Variants in SEPTIN10 observed in about 807,000 individuals in gnomAD.
SEPTIN10 encodes septin 10.
Under a neutral mutation model 54.8 loss-of-function variants are expected in SEPTIN10, and 66 were observed. The observed-to-expected ratio is 1.21, with a 90% CI of 0.99 to 1.48. The LOEUF (loss-of-function observed/expected upper bound fraction) is 1.48. Among genes scored for constraint, SEPTIN10 ranks in the 40% most tolerant of loss-of-function variants. The probability of loss-of-function intolerance (pLI) is 0.00; values close to 1 mark genes in which losing one functional copy is unlikely to be tolerated. For missense variants in SEPTIN10, 620 were observed against 545.6 expected (o/e 1.14, Z -1.36); for synonymous variants, 161 against 181.0 (o/e 0.89, Z 0.89).
chr2:109,576,900 G>A (rs1412586606), intron 4 of SEPTIN10, among the ~76,000 whole-genome samples: 4 of 152,092 alleles, frequency 2.6e-5, no homozygotes, highest in Non-Finnish European at 5.9e-5. Flanking sequence ...AAACAGAAAA[G>A]AGGGCAGAAG....
chr2:109,581,877 G>A (rs1381194557), intron 4 of SEPTIN10, among the ~76,000 whole-genome samples: 1 of 152,138 alleles, frequency 6.6e-6, no homozygotes, highest in Non-Finnish European at 1.5e-5. Flanking sequence ...AAAAGAAAAA[G>A]TCAAATTATC....
intron 1 of SEPTIN10, chr2:109,594,606 C>A (rs1293607573): frequency 6.6e-6 from 1 of 152,228 alleles, no homozygotes; most frequent in East Asian, 1.9e-4. Flanking sequence ...TGAGACTGTC[C>A]TCTCCTCTGC....
rs1342863949 is a variant in SEPTIN10, at chr2:109,574,610, G to A, written c.571C>T (p.Leu191Phe). ...CTGTCAAGGTTCTTCATGGTTAAGA[G>A]ATCAAGTGTCTTCAGAGAGTGGCCT... ...PTGHSLKTLD[L>F]LTMKNLDSKV... Residue 191 changes from leucine (L) to phenylalanine (F), a missense_variant, in exon 5 of 11, where the codon CTC becomes TTC. Physicochemically the swap from Leu to Phe is conservative, Grantham distance 22 (BLOSUM62 0). Transcript: ENST00000397712. The A allele has an allele frequency of 6.3e-7, 1 of 1,597,102 alleles. No individual in the cohort carries two copies. Among genetic ancestry groups the A allele is most frequent in the East Asian group, 2.3e-5 (1 of 44,316 alleles).
chr2:109,590,424 CT>C (rs200844981), intron 2 of SEPTIN10, among the ~76,000 whole-genome samples: 31,050 of 146,488 alleles, frequency 0.21, 3,758 homozygotes, highest in South Asian at 0.28. Flanking sequence ...GAGGTAAATC[CT>C]TTTTTTTTTT....
intron 9 of SEPTIN10, among the ~76,000 whole-genome samples, chr2:109,549,103 A>G (rs1352989957): frequency 1.3e-5 from 2 of 152,172 alleles, no homozygotes; most frequent in Non-Finnish European, 2.9e-5. Context: ...CATGTTAGGT[A>G]TGTGTGTGTG....
rs1681177403 is a variant in SEPTIN10 at position 109,546,164 on chromosome 2, A to C, written c.1235T>G (p.Leu412Arg). The change falls in exon 10 of 11, where the codon CTT (leucine) becomes CGT (arginine). Residue 412 changes from leucine (L) to arginine (R), a missense_variant. Coordinates refer to ENST00000397712, the MANE Select transcript of SEPTIN10 (RefSeq NM_144710.5). Reference protein sequence around the residue: ...ERMKLEEKRRLLEEEIIAFSK... With the variant: ...ERMKLEEKRRRLEEEIIAFSK... ...GAAAGCAATTATTTCTTCTTCCAAAAGTCTTCTCTTTTCTTCAAGCTTCAT... is the reference window on the plus strand; with the variant it reads ...GAAAGCAATTATTTCTTCTTCCAAACGTCTTCTCTTTTCTTCAAGCTTCAT... The C allele has an allele frequency of 6.2e-7, 1 of 1,610,162 alleles. No individual in the cohort carries two copies. The highest frequency in any genetic ancestry group is 1.3e-5 in the African/African-American group (1 of 74,366).
At chr2:109,559,617 C>G (rs1290516028) in intron 8 of SEPTIN10, among the ~76,000 whole-genome samples, 1 of 152,190 alleles carries the variant, frequency 6.6e-6, no homozygotes. Context: ...GTACCAGTAT[C>G]CATTATCCTC....
intron 4 of SEPTIN10, among the ~76,000 whole-genome samples, chr2:109,580,728 A>G (rs1366300412): frequency 5.9e-5 from 9 of 152,226 alleles, no homozygotes; most frequent in Admixed American, 5.9e-4. Flanking sequence ...AAATAAATGA[A>G]AAAAAGGTTT....
intron 10 of SEPTIN10, chr2:109,545,460 C>A (rs1558679471): frequency 6.5e-7 from 1 of 1,536,026 alleles, no homozygotes; most frequent in Non-Finnish European, 8.7e-7. Flanking sequence ...CCCTCTCTAC[C>A]TTTCTCTGCG....
At chr2:109,549,277 G>C (rs754524081) in intron 9 of SEPTIN10, among the ~76,000 whole-genome samples, 19 of 152,166 alleles carry the variant, frequency 1.2e-4, no homozygotes, top group Non-Finnish European at 2.2e-4. Context: ...ACTAGAGATA[G>C]CTCTCTGGTT....
chr2:109,555,417 C>T (rs930993583), intron 8 of SEPTIN10, among the ~76,000 whole-genome samples: 1 of 152,168 alleles, frequency 6.6e-6, no homozygotes, highest in Non-Finnish European at 1.5e-5. Context: ...TCATCCTCTA[C>T]CCCTCAAGGG....
At chr2:109,569,847 G>GT (rs74397578) in intron 5 of SEPTIN10, among the ~76,000 whole-genome samples, 20,476 of 152,084 alleles carry the variant, frequency 0.13, 1,856 homozygotes, top group African/African-American at 0.26. Context: ...CACCAATGGC[G>GT]TAAGAGAAGA....
intron 6 of SEPTIN10, 130 bp downstream of exon 6, chr2:109,567,685 T>C: frequency 1.1e-6 from 1 of 933,874 alleles, no homozygotes; most frequent in Non-Finnish European, 1.5e-6. Context: ...TACTGGACTT[T>C]TTGAAAATTC....
At chr2:109,571,212 G>GT (rs1219036317) in intron 5 of SEPTIN10, among the ~76,000 whole-genome samples, 1 of 152,186 alleles carries the variant, frequency 6.6e-6, no homozygotes, top group Non-Finnish European at 1.5e-5. Context: ...CTAAGGAACT[G>GT]TAAGTCAATT....
chr2:109,599,123 A>T (rs1695980086), intron 1 of SEPTIN10, among the ~76,000 whole-genome samples: 1 of 152,090 alleles, frequency 6.6e-6, no homozygotes, highest in South Asian at 2.1e-4. Flanking sequence ...TGCAGACCAC[A>T]CTGCTAGAAG....
At chr2:109,607,720 G>T (rs762261736) in intron 1 of SEPTIN10, among the ~76,000 whole-genome samples, 18 of 151,952 alleles carry the variant, frequency 1.2e-4, no homozygotes, top group Non-Finnish European at 5.9e-5. Flanking sequence ...CTTGAAAAAG[G>T]CAAAGTTTAG....
At position 109,613,273 on chromosome 2, in the gene SEPTIN10, CAA is replaced by C. The variant is rs1330718753; in HGVS notation, c.30+523_30+524del. 10 of 878,774 alleles carry C rather than the reference CAA, an allele frequency of 1.1e-5. 1 individual carries two copies. The highest frequency in any genetic ancestry group is 1.0e-4 in the African/African-American group (6 of 57,348). 54.4% of individuals were successfully genotyped at this position (878,774 alleles called of 1,614,324 possible). The stretch of plus-strand genomic sequence containing the variant: ...TGAACAAACGCGTTCTTTTAGAGTA[CAA>C]AAGAGTCAAGGCGGGAAAAAAACGG... On this transcript the variant is annotated intron_variant, in intron 1 of 10. Transcript: ENST00000397712.
chr2:109,585,308 A>C lies in SEPTIN10; in HGVS notation c.231T>G (p.Ile77Met). ...ATGTGTCAATCAGTGTTGATTTTCC[A>C]ATTCCAGTTTCCCCTGAAACACACA... ...FNILCVGETG[I>M]GKSTLIDTLF... The change falls in exon 4 of 11, where the codon ATT (isoleucine) becomes ATG (methionine). Residue 77 changes from isoleucine (I) to methionine (M), a missense_variant. Ile to Met is a conservative substitution (Grantham distance 10, BLOSUM62 1). Coordinates refer to ENST00000397712, the MANE Select transcript of SEPTIN10 (RefSeq NM_144710.5). 6.2e-7 allele frequency: 1 copy of C among 1,600,546 alleles called. No individual in the cohort carries two copies. Among genetic ancestry groups the C allele is most frequent in the South Asian group, 1.1e-5 (1 of 87,910 alleles).
intron 1 of SEPTIN10, among the ~76,000 whole-genome samples, chr2:109,597,772 C>T (rs1000355125): frequency 2.0e-5 from 3 of 152,298 alleles, no homozygotes; most frequent in South Asian, 2.1e-4. Context: ...AAGTGCCAGA[C>T]GTGGGATAGC....
Sources: gnomAD v4.1 joint callset for allele counts (sites outside exome capture counted in the v4.1 genomes callset) on GRCh38, gnomAD v4.1.1 for gene constraint, MANE v1.5 for transcripts, NCBI Gene and HGNC (gene_info 2026-07-23, HGNC 2026-07-21) for gene names.